NEBL: variants seen among roughly 807,000 people sequenced by gnomAD.
NEBL encodes nebulette.
NEBL carries 122 observed loss-of-function variants against 140.2 expected under a neutral mutation model. The ratio of observed to expected loss-of-function variants is 0.87; its 90% confidence interval spans 0.75 to 1.01. NEBL has a LOEUF of 1.01. NEBL is among the 50% of genes least tolerant of loss of function. The probability of loss-of-function intolerance (pLI) is 0.00; values close to 1 mark genes in which losing one functional copy is unlikely to be tolerated. For missense variants in NEBL, 1,365 were observed against 1,231.3 expected, an observed-to-expected ratio of 1.11 and a Z score of -1.62; for synonymous variants, 436 against 398.9, an observed-to-expected ratio of 1.09 and a Z score of -1.11.
At chr10:20,924,399 G>T (rs374457822) in intron 4 of NEBL, among the ~76,000 whole-genome samples, 1 of 105,762 alleles carries the variant, frequency 9.5e-6, no homozygotes, top group South Asian at 3.4e-4. Flanking sequence ...TATAGCTCTC[G>T]ATCAGGCATG....
rs115867736 is a variant in NEBL at position 20,798,306 on chromosome 10, A to G, written c.2761+10204T>C. 2.1e-3 allele frequency among the ~76,000 whole-genome samples: 316 copies of G among 152,268 alleles called. 1 individual carries two copies. The highest frequency in any genetic ancestry group is 7.4e-3 in the African/African-American group (307 of 41,554). On this transcript the variant is annotated intron_variant, in intron 26 of 27. Coordinates refer to ENST00000377122, the MANE Select transcript of NEBL (RefSeq NM_006393.3). ...ATTATTTCCAGCACGTGGAAATATT[A>G]AAGAGTTCCTCTAAAGTCAGGAACC...
chr10:21,077,623 A>AAAAT (rs925144916), intron 2 of NEBL, among the ~76,000 whole-genome samples: 22 of 152,162 alleles, frequency 1.4e-4, no homozygotes, highest in South Asian at 4.1e-4. Flanking sequence ...AATAAAAATA[A>AAAAT]AAATAAATAA....
At chr10:21,063,027 G>A (rs1835370846) in intron 2 of NEBL, among the ~76,000 whole-genome samples, 1 of 152,164 alleles carries the variant, frequency 6.6e-6, no homozygotes, top group Non-Finnish European at 1.5e-5. Context: ...TGAGGCAATA[G>A]AAATAAAGGT....
At chr10:20,878,555 T>C (rs1025189072) in intron 5 of NEBL, among the ~76,000 whole-genome samples, 2 of 152,218 alleles carry the variant, frequency 1.3e-5, no homozygotes, top group Non-Finnish European at 2.9e-5. Context: ...GAGATGTACT[T>C]TCAAGACCTA....
chr10:21,102,810 G>A (rs977026572), intron 2 of NEBL, among the ~76,000 whole-genome samples: 1 of 152,022 alleles, frequency 6.6e-6, no homozygotes, highest in African/African-American at 2.4e-5. Flanking sequence ...TTGCACACAT[G>A]TTTTTTGTTT....
chr10:20,982,589 G>C (rs1402874407), intron 3 of NEBL, among the ~76,000 whole-genome samples: 1 of 152,052 alleles, frequency 6.6e-6, no homozygotes, highest in Non-Finnish European at 1.5e-5. Context: ...CTGTTGAAAA[G>C]ATGTTTTCTG....
intron 9 of NEBL, among the ~76,000 whole-genome samples, chr10:20,857,975 A>C: frequency 6.6e-6 from 1 of 152,178 alleles, no homozygotes; most frequent in East Asian, 1.9e-4. Flanking sequence ...AAGGGAAAGA[A>C]GAATGATGGA....
At chr10:21,056,948 A>G (rs958527162) in intron 2 of NEBL, among the ~76,000 whole-genome samples, 9 of 152,180 alleles carry the variant, frequency 5.9e-5, no homozygotes, top group Non-Finnish European at 2.9e-5. Context: ...TCATTTTATG[A>G]TTCTTTAAAC....
intron 3 of NEBL, among the ~76,000 whole-genome samples, chr10:21,225,690 C>G (rs1307853703): frequency 6.6e-6 from 1 of 152,156 alleles, no homozygotes; most frequent in Non-Finnish European, 1.5e-5. Context: ...CAAGTACTGC[C>G]TGGCCACTGC....
In NEBL at chr10:20,782,096, T is replaced by C. The variant is rs1277859384; in HGVS notation, c.*3651A>G. The C allele has an allele frequency of 6.6e-6, 1 of 152,560 alleles. No individual in the cohort carries two copies. Among genetic ancestry groups the C allele is most frequent in the African/African-American group, 2.4e-5 (1 of 41,438 alleles). 9.5% of individuals were successfully genotyped at this position (152,560 alleles called of 1,614,324 possible). ...ACCTTTCAGAAATAGATGGAAGAAGTCGGCATTTTCTAAAGTTCTAAATCT... is the reference window on the plus strand; with the variant it reads ...ACCTTTCAGAAATAGATGGAAGAAGCCGGCATTTTCTAAAGTTCTAAATCT... On this transcript the variant is annotated 3_prime_UTR_variant, in exon 28 of 28. Transcript: ENST00000377122.
At chr10:20,844,414 A>G (rs1400112148) in intron 12 of NEBL, among the ~76,000 whole-genome samples, 1 of 150,702 alleles carries the variant, frequency 6.6e-6, no homozygotes, top group East Asian at 1.9e-4. Flanking sequence ...ATTACATGAT[A>G]TACTACATTT....
chr10:20,966,848 C>T (rs571396263), intron 3 of NEBL, among the ~76,000 whole-genome samples: 2 of 152,208 alleles, frequency 1.3e-5, no homozygotes, highest in East Asian at 3.9e-4. Flanking sequence ...AAGAGAAAGG[C>T]CACTGTTAGG....
chr10:20,845,449 AC>A (rs1353096772), intron 11 of NEBL, 81 bp from the exon 12 acceptor site: 1 of 899,832 alleles, frequency 1.1e-6, no homozygotes, highest in East Asian at 2.5e-5. Flanking sequence ...AGTTCCCAGA[AC>A]AAAAATGATG....
chr10:21,155,201 A>G (rs1016155017), intron 2 of NEBL, among the ~76,000 whole-genome samples: 2 of 152,212 alleles, frequency 1.3e-5, no homozygotes, highest in Non-Finnish European at 2.9e-5. Flanking sequence ...TCCCTCACAC[A>G]CACAAAAAAA....
At chr10:20,843,882 G>C (rs959155618) in intron 12 of NEBL, among the ~76,000 whole-genome samples, 13 of 152,010 alleles carry the variant, frequency 8.6e-5, no homozygotes, top group African/African-American at 3.1e-4. Context: ...ATCAATTATA[G>C]TTAACCATAT....
chr10:21,169,649 T>C (rs1840991157), intron 2 of NEBL, among the ~76,000 whole-genome samples: 1 of 152,202 alleles, frequency 6.6e-6, no homozygotes, highest in Non-Finnish European at 1.5e-5. Flanking sequence ...AGAGTTAGCA[T>C]ATGACATGAA....
intron 9 of NEBL, among the ~76,000 whole-genome samples, chr10:20,855,510 GAAAACAAAAC>G (rs1842975309): frequency 1.1e-5 from 1 of 89,236 alleles, no homozygotes; most frequent in African/African-American, 3.1e-5. Flanking sequence ...TCCTATTTAA[GAAAACAAAAC>G]AAAACAAAAA....
intron 3 of NEBL, among the ~76,000 whole-genome samples, chr10:21,229,164 T>C (rs1842210949): frequency 6.6e-6 from 1 of 152,204 alleles, no homozygotes; most frequent in Admixed American, 6.5e-5. Flanking sequence ...CTAACACCTG[T>C]AATCCCAGCA....
chr10:20,840,804 T>C lies in NEBL; in HGVS notation c.1273A>G (p.Met425Val). ...DLENEIKGKG[M>V]ELNSEVLDIQ... ...TCAAGAACTTCTGAATTAAGTTCCA[T>C]TCCTTTCCCTTTTATCTCATTTTCC... Residue 425 changes from methionine (M) to valine (V), a missense_variant, in exon 13 of 28, where the codon ATG becomes GTG. Physicochemically the swap from Met to Val is conservative, Grantham distance 21. Around this residue, in one of 2 missense-constraint regions of NEBL, gnomAD observed 1,323 missense variants for 1,154.8 expected, o/e 1.15. Transcript: ENST00000377122. The C allele has an allele frequency of 6.2e-7, 1 of 1,610,840 alleles. No individual in the cohort carries two copies. Among genetic ancestry groups the C allele is most frequent in the East Asian group, 2.2e-5 (1 of 44,762 alleles).
Sources: gnomAD v4.1 joint callset for allele counts (sites outside exome capture counted in the v4.1 genomes callset) on GRCh38, gnomAD v4.1.1 for gene constraint, gnomAD v4.1.1 regional missense constraint, MANE v1.5 for transcripts, NCBI Gene and HGNC (gene_info 2026-07-23, HGNC 2026-07-21) for gene names.